Variants in PWP1 observed in about 807,000 individuals in gnomAD.
PWP1 encodes the protein periodic tryptophan protein 1 homolog.
A neutral mutation model predicts 69.9 loss-of-function variants in PWP1; 47 were observed. The observed-to-expected ratio is 0.67, with a 90% CI of 0.53 to 0.86. PWP1 has a LOEUF of 0.86. PWP1 is among the 40% of genes least tolerant of loss of function. The pLI, the probability that PWP1 is intolerant of heterozygous loss-of-function variation, is 0.00. For missense variants in PWP1, 551 were observed against 608.8 expected (o/e 0.91, Z 1.00); for synonymous variants, 222 against 208.2 (o/e 1.07, Z -0.57).
chr12:107,711,897 C>G (rs1233150849), intron 14 of PWP1, among the ~76,000 whole-genome samples: 2 of 152,040 alleles, frequency 1.3e-5, no homozygotes, highest in African/African-American at 4.8e-5. Flanking sequence ...CAGATAAATC[C>G]AAGACATGGC....
rs980590646 is a variant in PWP1, at chr12:107,712,442, G to A, written c.*222G>A. 4.4e-5 allele frequency: 17 copies of A among 388,602 alleles called. No individual in the cohort carries two copies. The highest frequency in any genetic ancestry group is 7.4e-5 in the Non-Finnish European group (16 of 217,158). The allele number at this position is 388,602 out of a possible 1,614,324, so 24.1% of individuals were successfully genotyped here. A position where few individuals can be genotyped will look rare whatever the true frequency, so the allele number is the denominator to read the frequency against. On this transcript the variant is annotated 3_prime_UTR_variant, in exon 15 of 15. Transcript: ENST00000412830. ...CTCTTGTTGCATTTCTTAAAAAAGA[G>A]TAATAAAAAGGATTTTTAAAAAGTA...
intron 11 of PWP1, among the ~76,000 whole-genome samples, chr12:107,708,555 C>G (rs1482594281): frequency 6.6e-6 from 1 of 152,222 alleles, no homozygotes; most frequent in Non-Finnish European, 1.5e-5. Flanking sequence ...TTCCTTGACA[C>G]TCTTCCCTAT....
Position 107,710,392 on chromosome 12 carries a change from G to C in PWP1, c.1291-13G>C, listed in dbSNP as rs200582334. ...AAGAGATTGAAATCACCATCTTCCT[G>C]TTCTCTCTCTAGGGAGTTCTCTTCT... On this transcript the variant is annotated splice_polypyrimidine_tract_variant and intron_variant, in intron 13 of 14. Transcript: ENST00000412830. The C allele has an allele frequency of 3.1e-6, 5 of 1,612,534 alleles. No individual in the cohort carries two copies. Among genetic ancestry groups the C allele is most frequent in the Non-Finnish European group, 4.2e-6 (5 of 1,179,198 alleles).
At chr12:107,694,557 G>A (rs1291108470) in intron 5 of PWP1, among the ~76,000 whole-genome samples, 2 of 152,160 alleles carry the variant, frequency 1.3e-5, no homozygotes, top group African/African-American at 4.8e-5. Context: ...TGCATAGCAG[G>A]CACTTTAATG....
intron 1 of PWP1, among the ~76,000 whole-genome samples, chr12:107,688,145 G>C (rs1889409302): frequency 1.3e-5 from 2 of 151,636 alleles, no homozygotes; most frequent in South Asian, 4.2e-4. Flanking sequence ...AGTCAGAGAT[G>C]GTTGGAAGAA....
At chr12:107,688,555 G>C in intron 2 of PWP1, 49 bp downstream of exon 2, 1 of 1,610,386 alleles carries the variant, frequency 6.2e-7, no homozygotes, top group Non-Finnish European at 8.5e-7. Flanking sequence ...TGATGACCAT[G>C]TGGTCTTGTT....
chr12:107,697,030 C>T (rs1889602435), intron 6 of PWP1, among the ~76,000 whole-genome samples: 1 of 152,132 alleles, frequency 6.6e-6, no homozygotes, highest in South Asian at 2.1e-4. Context: ...CTATTAGTTG[C>T]CCCTGTCCGT....
intron 1 of PWP1, among the ~76,000 whole-genome samples, chr12:107,687,390 G>A (rs2136268273): frequency 6.6e-6 from 1 of 152,272 alleles, no homozygotes; most frequent in South Asian, 2.1e-4. Flanking sequence ...TCTACACATT[G>A]AAAATCTCAC....
chr12:107,699,294 A>G, intron 7 of PWP1, 79 bp from the exon 8 acceptor site: 1 of 1,085,282 alleles, frequency 9.2e-7, no homozygotes, highest in Non-Finnish European at 1.4e-6. Flanking sequence ...TAAGGTTTAA[A>G]GAATTTTGCA....
intron 14 of PWP1, among the ~76,000 whole-genome samples, chr12:107,710,883 G>A (rs996047012): frequency 1.3e-5 from 2 of 152,174 alleles, no homozygotes; most frequent in Non-Finnish European, 2.9e-5. Context: ...TCACAAATAA[G>A]TTTGTCTTCA....
intron 1 of PWP1, 53 bp downstream of exon 1, chr12:107,686,024 G>C (rs1220319295): frequency 6.3e-7 from 1 of 1,586,592 alleles, no homozygotes; most frequent in East Asian, 2.2e-5. Context: ...CGGCACTGGG[G>C]GTCCGCCCAG....
chr12:107,709,723 A>G (rs780867724), intron 13 of PWP1, among the ~76,000 whole-genome samples: 16 of 152,250 alleles, frequency 1.1e-4, no homozygotes, highest in Non-Finnish European at 2.1e-4. Context: ...CTGTATGCCA[A>G]CCACTGAGTT....
chr12:107,687,754 G>A (rs369703711), intron 1 of PWP1, among the ~76,000 whole-genome samples: 18 of 152,008 alleles, frequency 1.2e-4, no homozygotes, highest in East Asian at 5.8e-4. Context: ...AATTAAGGCC[G>A]GGCACGGTGG....
At chr12:107,707,062 C>T (rs1348750091) in intron 11 of PWP1, among the ~76,000 whole-genome samples, 5 of 151,694 alleles carry the variant, frequency 3.3e-5, no homozygotes, top group Admixed American at 2.6e-4. Context: ...TGTTTGTGTC[C>T]TCTTTTATTT....
intron 7 of PWP1, among the ~76,000 whole-genome samples, chr12:107,698,753 T>C (rs1889643996): frequency 1.3e-5 from 2 of 152,112 alleles, no homozygotes; most frequent in South Asian, 4.1e-4. Context: ...CTGCCATGCC[T>C]GGCTAAGTTT....
At chr12:107,698,407 T>A (rs987761361) in intron 7 of PWP1, among the ~76,000 whole-genome samples, 2 of 152,190 alleles carry the variant, frequency 1.3e-5, no homozygotes, top group African/African-American at 4.8e-5. Flanking sequence ...ACGCCTATAG[T>A]CCTAGCACTT....
Position 107,710,516 on chromosome 12 carries a change from G to T in PWP1, c.1396+6G>T. The T allele has an allele frequency of 6.8e-7, 1 of 1,468,698 alleles. No homozygotes were observed. The highest frequency in any genetic ancestry group is 1.1e-5 in the South Asian group (1 of 88,632). 91.0% of individuals were successfully genotyped at this position (1,468,698 alleles called of 1,614,324 possible). ...TATAAGCACAGTCTCTTCAGGTAAG[G>T]ATTTTTAGTTCTCTGCACACCTCCC... On this transcript the variant is annotated splice_donor_region_variant and intron_variant, in intron 14 of 14. Transcript: ENST00000412830.
intron 9 of PWP1, 119 bp from the exon 10 acceptor site, chr12:107,703,566 C>A: frequency 1.2e-6 from 1 of 840,192 alleles, no homozygotes; most frequent in East Asian, 2.5e-5. Context: ...CTTTTGTTTA[C>A]TGTATTTCAG....
Position 107,703,003 on chromosome 12 carries a change from C to T in PWP1, c.875C>T (p.Ala292Val). The change falls in exon 9 of 15, where the codon GCA (alanine) becomes GTA (valine). Residue 292 changes from alanine to valine, a missense_variant. Physicochemically the swap from Ala to Val is moderately conservative, Grantham distance 64 (BLOSUM62 0). Coordinates refer to ENST00000412830, the MANE Select transcript of PWP1 (RefSeq NM_007062.3). ...TGGGATATGTCCTTGGGGAAACCAG[C>T]AGCTAGCCTCGCTGTACACACAGAC... is the stretch of plus-strand genomic sequence containing the variant. The part of the protein sequence containing the change: ...ILWDMSLGKP[A>V]ASLAVHTDKV... The T allele has an allele frequency of 6.2e-7, 1 of 1,609,668 alleles. No individual in the cohort carries two copies. The highest frequency in any genetic ancestry group is 1.1e-5 in the South Asian group (1 of 91,004).
Sources: allele counts gnomAD v4.1 joint callset (sites outside exome capture counted in the v4.1 genomes callset), GRCh38; gene constraint gnomAD v4.1.1; transcripts MANE v1.5; gene names NCBI Gene and HGNC (gene_info 2026-07-23, HGNC 2026-07-21).